The following MAGI2 variants were observed in gnomAD, a reference collection of about 807,000 sequenced individuals.
MAGI2 encodes membrane-associated guanylate kinase, WW and PDZ domain-containing protein 2.
Under a neutral mutation model 133.3 loss-of-function variants are expected in MAGI2, and 35 were observed. The observed-to-expected ratio is 0.26, with a 90% CI of 0.20 to 0.35. The LOEUF is 0.35. Among genes scored for constraint, MAGI2 ranks in the 10% least tolerant of loss-of-function variants. MAGI2 has a pLI of 1.00. For missense variants in MAGI2, 1,636 were observed against 1,863.4 expected (o/e 0.88, Z 2.25); for synonymous variants, 729 against 710.6 (o/e 1.03, Z -0.41).
intron 9 of MAGI2, among the ~76,000 whole-genome samples, chr7:78,269,451 TACTA>T (rs1167878042): frequency 6.6e-6 from 1 of 152,202 alleles, no homozygotes; most frequent in Non-Finnish European, 1.5e-5. Context: ...ATCTGTTGTT[TACTA>T]ACTTTTTAAT....
chr7:78,225,770 G>A (rs796605310), intron 10 of MAGI2, among the ~76,000 whole-genome samples: 4 of 152,296 alleles, frequency 2.6e-5, no homozygotes, highest in African/African-American at 4.8e-5. Context: ...AGCATTCTGC[G>A]CATGGGCTTC....
intron 2 of MAGI2, among the ~76,000 whole-genome samples, chr7:78,823,508 G>A (rs930441684): frequency 2.0e-5 from 3 of 148,958 alleles, no homozygotes; most frequent in South Asian, 4.3e-4. Context: ...GCGTGAACCC[G>A]GGAGGCGGAG....
rs1159032481 is a variant in MAGI2, at chr7:79,223,107, G to C, written c.302-215901C>G. 9.2e-5 allele frequency among the ~76,000 whole-genome samples: 14 copies of C among 151,658 alleles called. 1 individual carries two copies. The highest frequency in any genetic ancestry group is 3.4e-4 in the African/African-American group (14 of 41,208). On this transcript the variant is annotated intron_variant, in intron 1 of 21. Coordinates refer to ENST00000354212, the MANE Select transcript of MAGI2 (RefSeq NM_012301.4). ...TTATCGTGTTAGCCAGGATGGTCTC[G>C]ATCTCCTGACCTCGTGATCCACCCG... is the stretch of plus-strand genomic sequence containing the variant.
chr7:79,097,569 G>A (rs1167336604), intron 1 of MAGI2, among the ~76,000 whole-genome samples: 2 of 152,076 alleles, frequency 1.3e-5, no homozygotes, highest in Admixed American at 6.5e-5. Context: ...AGAACCTCAG[G>A]GGTACTAAAT....
intron 1 of MAGI2, among the ~76,000 whole-genome samples, chr7:79,167,397 C>CAAAAAAAAAAAAA: frequency 1.2e-5 from 1 of 84,734 alleles, no homozygotes; most frequent in Non-Finnish European, 2.4e-5. Context: ...CCAAAAATGG[C>CAAAAAAAAAAAAA]AAAAAAAAAA....
At chr7:79,136,541 C>T (rs905267894) in intron 1 of MAGI2, among the ~76,000 whole-genome samples, 1 of 152,184 alleles carries the variant, frequency 6.6e-6, no homozygotes, top group Admixed American at 6.5e-5. Context: ...TCAATGTGTT[C>T]TTTTAGCCCA....
intron 1 of MAGI2, among the ~76,000 whole-genome samples, chr7:79,043,732 G>C (rs558859743): frequency 2.0e-5 from 3 of 151,974 alleles, no homozygotes; most frequent in African/African-American, 7.2e-5. Flanking sequence ...TGGCCCCAGA[G>C]AAAGACAAAA....
At chr7:78,632,335 A>G (rs1295054984) in intron 2 of MAGI2, among the ~76,000 whole-genome samples, 3 of 152,260 alleles carry the variant, frequency 2.0e-5, no homozygotes, top group Non-Finnish European at 4.4e-5. Context: ...TTAGTGGGTC[A>G]AATACTGAGA....
intron 1 of MAGI2, among the ~76,000 whole-genome samples, chr7:79,214,602 C>T (rs918979409): frequency 1.5e-5 from 2 of 137,326 alleles, no homozygotes; most frequent in African/African-American, 5.4e-5. Context: ...AGAGTGCAAA[C>T]AAAAGAAAAA....
At chr7:78,663,561 C>A (rs917616035) in intron 2 of MAGI2, among the ~76,000 whole-genome samples, 1 of 152,160 alleles carries the variant, frequency 6.6e-6, no homozygotes, top group South Asian at 2.1e-4. Flanking sequence ...TGGAAATATG[C>A]TTGTAAGGCA....
At chr7:78,901,037 G>C (rs184882220) in intron 2 of MAGI2, among the ~76,000 whole-genome samples, 5 of 152,258 alleles carry the variant, frequency 3.3e-5, no homozygotes, top group Admixed American at 2.0e-4. Flanking sequence ...GTCACAAGAC[G>C]AATTAGGAGC....
intron 9 of MAGI2, among the ~76,000 whole-genome samples, chr7:78,320,452 G>A (rs1232495452): frequency 6.6e-6 from 1 of 152,182 alleles, no homozygotes; most frequent in Non-Finnish European, 1.5e-5. Flanking sequence ...TCCCAGGGAT[G>A]CAAGACTGGT....
chr7:78,544,550 A>T (rs370686319), intron 3 of MAGI2, among the ~76,000 whole-genome samples: 3 of 152,304 alleles, frequency 2.0e-5, no homozygotes, highest in African/African-American at 7.2e-5. Flanking sequence ...CTTAGTGGGA[A>T]ATGCTTAGAG....
intron 1 of MAGI2, among the ~76,000 whole-genome samples, chr7:79,322,737 G>T (rs1839286968): frequency 6.7e-6 from 1 of 149,834 alleles, no homozygotes; most frequent in African/African-American, 2.5e-5. Flanking sequence ...GGTGAGCTGA[G>T]ATCATGCCAC....
At chr7:78,642,239 T>C (rs1433304979) in intron 2 of MAGI2, among the ~76,000 whole-genome samples, 2 of 152,208 alleles carry the variant, frequency 1.3e-5, no homozygotes, top group African/African-American at 2.4e-5. Flanking sequence ...AGAAAATTTG[T>C]CATTACCTGA....
chr7:78,503,104 C>T (rs1794763573), intron 4 of MAGI2, among the ~76,000 whole-genome samples: 4 of 151,850 alleles, frequency 2.6e-5, no homozygotes, highest in Admixed American at 2.6e-4. Context: ...CTGTAATACT[C>T]TAAGCGCAAA....
intron 6 of MAGI2, among the ~76,000 whole-genome samples, chr7:78,397,963 A>G (rs780393519): frequency 4.6e-5 from 7 of 152,162 alleles, no homozygotes; most frequent in Non-Finnish European, 8.8e-5. Context: ...GAGTAGCATG[A>G]TAAGGTAAAA....
intron 1 of MAGI2, among the ~76,000 whole-genome samples, chr7:79,321,825 G>A (rs1349017015): frequency 6.6e-6 from 1 of 152,174 alleles, no homozygotes; most frequent in African/African-American, 2.4e-5. Flanking sequence ...ACTAGGCAAT[G>A]ACCTACATTT....
chr7:78,221,137 C>T (rs1296545624), intron 10 of MAGI2, among the ~76,000 whole-genome samples: 1 of 152,172 alleles, frequency 6.6e-6, no homozygotes, highest in African/African-American at 2.4e-5. Flanking sequence ...TGCTAACTCC[C>T]CTCTAAAGTC....
Sources: allele counts gnomAD v4.1 joint callset (sites outside exome capture counted in the v4.1 genomes callset), GRCh38; gene constraint gnomAD v4.1.1; transcripts MANE v1.5; gene names NCBI Gene and HGNC (gene_info 2026-07-23, HGNC 2026-07-21).